SHOC2: variants seen among roughly 807,000 people sequenced by gnomAD.
SHOC2 encodes leucine-rich repeat protein SHOC-2.
In SHOC2, 4 loss-of-function variants were observed where a neutral mutation model predicts 50.2. The observed-to-expected ratio is 0.08, with a 90% CI of 0.04 to 0.18. The LOEUF (loss-of-function observed/expected upper bound fraction) is 0.18, where lower values mean the gene tolerates loss of function less well. Ranked by LOEUF, SHOC2 falls within the 10% of genes least tolerant of loss-of-function variation. The probability of loss-of-function intolerance (pLI) is 1.00; values close to 1 mark genes in which losing one functional copy is unlikely to be tolerated. For missense variants in SHOC2, 388 were observed against 669.6 expected (o/e 0.58, Z 4.64); for synonymous variants, 218 against 244.5 (o/e 0.89, Z 1.01).
At chr10:111,001,737 AG>A (rs1848380183) in intron 4 of SHOC2, among the ~76,000 whole-genome samples, 2 of 152,176 alleles carry the variant, frequency 1.3e-5, no homozygotes, top group African/African-American at 4.8e-5. Flanking sequence ...ATTAAGAACA[AG>A]GGTTCTTTAA....
intron 1 of SHOC2, among the ~76,000 whole-genome samples, chr10:110,924,666 GGGAAAAATTTT>G (rs1846720590): frequency 6.6e-6 from 1 of 152,074 alleles, no homozygotes; most frequent in South Asian, 2.1e-4. Flanking sequence ...CCTGTGAAAA[GGGAAAAATTTT>G]CACCTATTTT....
At chr10:110,924,275 A>T (rs189831713) in intron 1 of SHOC2, among the ~76,000 whole-genome samples, 27 of 152,338 alleles carry the variant, frequency 1.8e-4, no homozygotes, top group African/African-American at 6.0e-4. Context: ...ACAAGTCAAT[A>T]GTTAATTGTT....
At chr10:110,925,089 A>AG (rs1564699951) in intron 1 of SHOC2, among the ~76,000 whole-genome samples, 1 of 146,224 alleles carries the variant, frequency 6.8e-6, no homozygotes, top group Non-Finnish European at 1.5e-5. Flanking sequence ...AAAAAAAAAA[A>AG]AAATTAAAAT....
chr10:111,006,219 G>A (rs1419344495), intron 5 of SHOC2, among the ~76,000 whole-genome samples: 2 of 152,144 alleles, frequency 1.3e-5, no homozygotes, highest in Non-Finnish European at 1.5e-5. Flanking sequence ...GCATAGATAG[G>A]TACTAAGCTT....
intron 5 of SHOC2, among the ~76,000 whole-genome samples, chr10:111,005,983 T>C (rs1165025713): frequency 2.0e-5 from 3 of 152,236 alleles, no homozygotes; most frequent in African/African-American, 7.2e-5. Flanking sequence ...AAATTCAAGA[T>C]ACTCATACAG....
intron 1 of SHOC2, among the ~76,000 whole-genome samples, chr10:110,952,646 A>C (rs1564710118): frequency 6.6e-6 from 1 of 151,968 alleles, no homozygotes; most frequent in Non-Finnish European, 1.5e-5. Context: ...TGCTGCATCG[A>C]TCAACCTGTC....
chr10:110,933,531 G>C (rs1468609054), intron 1 of SHOC2, among the ~76,000 whole-genome samples: 1 of 152,178 alleles, frequency 6.6e-6, no homozygotes, highest in Admixed American at 6.5e-5. Flanking sequence ...CAGGAGACCA[G>C]GCAGGTAACA....
At position 110,956,390 on chromosome 10, in the gene SHOC2, T is replaced by C. The variant is rs570053653; in HGVS notation, c.-234-7735T>C. Among the ~76,000 whole-genome samples, 3 of 152,238 alleles carry C rather than the reference T, an allele frequency of 2.0e-5. No individual in the cohort carries two copies. In the East Asian group the frequency reaches 5.8e-4, roughly 29 times the overall value. ...AGCACACCTGGGTAATTTTTTTTGGTATTATTAGTAGAGACTGGGTTTCAC... is the reference window on the plus strand; with the variant it reads ...AGCACACCTGGGTAATTTTTTTTGGCATTATTAGTAGAGACTGGGTTTCAC... On this transcript the variant is annotated intron_variant, in intron 1 of 8. Transcript: ENST00000369452.
Position 110,985,650 on chromosome 10 carries a change from G to A in SHOC2, c.726G>A (p.Thr242=), listed in dbSNP as rs775815588. ...CAGGTGAATTATGTAACCTCATTAC[G>A]CTGGATGTAGCTCACAATCAACTTG... ...AEIGELCNLI[T]LDVAHNQLEH... is the part of the protein sequence containing the mutation. The change falls in exon 3 of 9, where the codon ACG becomes ACA. Residue 242 remains threonine, a synonymous_variant. Transcript: ENST00000369452. 7 of 1,610,990 alleles carry A rather than the reference G, an allele frequency of 4.3e-6. No individual in the cohort carries two copies. The highest frequency in any genetic ancestry group is 2.7e-5 in the African/African-American group (2 of 74,422).
At chr10:110,967,596 ACT>A (rs1433652744) in intron 2 of SHOC2, among the ~76,000 whole-genome samples, 3 of 152,200 alleles carry the variant, frequency 2.0e-5, no homozygotes, top group African/African-American at 4.8e-5. Flanking sequence ...TCCAAAAGAA[ACT>A]CTGAACCCTT....
chr10:110,939,190 A>G (rs564118080), intron 1 of SHOC2, among the ~76,000 whole-genome samples: 94 of 151,486 alleles, frequency 6.2e-4, no homozygotes, highest in African/African-American at 2.0e-3. Flanking sequence ...TTTTTTTGCT[A>G]TTTTTTTTAC....
At chr10:110,967,131 A>G (rs529434222) in intron 2 of SHOC2, among the ~76,000 whole-genome samples, 23 of 152,304 alleles carry the variant, frequency 1.5e-4, no homozygotes, top group African/African-American at 5.5e-4. Context: ...GTCCGTGTAT[A>G]CTTTAATTAT....
intron 5 of SHOC2, among the ~76,000 whole-genome samples, chr10:111,006,580 C>T (rs61679987): frequency 0.022 from 3,353 of 152,176 alleles, 122 homozygotes; most frequent in African/African-American, 0.075. Context: ...CCGTTTTAGC[C>T]GGGATGGTCT....
intron 3 of SHOC2, among the ~76,000 whole-genome samples, chr10:110,996,346 G>A (rs1200913290): frequency 6.6e-6 from 1 of 152,070 alleles, no homozygotes; most frequent in Non-Finnish European, 1.5e-5. Flanking sequence ...TGGGCAACAT[G>A]GCGAAACTCT....
chr10:110,980,573 C>T (rs1248982359), intron 2 of SHOC2, among the ~76,000 whole-genome samples: 1 of 152,144 alleles, frequency 6.6e-6, no homozygotes, highest in Non-Finnish European at 1.5e-5. Context: ...TTGTCTTTCT[C>T]AAGTCCATCC....
At chr10:111,007,377 T>C (rs1271335699) in intron 5 of SHOC2, among the ~76,000 whole-genome samples, 154 bp from the exon 6 acceptor site, 1 of 152,110 alleles carries the variant, frequency 6.6e-6, no homozygotes, top group Non-Finnish European at 1.5e-5. Flanking sequence ...AGGCTTAGAG[T>C]TTTCTGTTGC....
At chr10:110,975,922 T>C (rs901511111) in intron 2 of SHOC2, among the ~76,000 whole-genome samples, 2 of 152,150 alleles carry the variant, frequency 1.3e-5, no homozygotes, top group Non-Finnish European at 2.9e-5. Flanking sequence ...CTTCTTTTTT[T>C]TTTGTGAGAT....
At chr10:110,965,783 T>C (rs1254966598) in intron 2 of SHOC2, among the ~76,000 whole-genome samples, 1 of 152,096 alleles carries the variant, frequency 6.6e-6, no homozygotes, top group African/African-American at 2.4e-5. Context: ...CGCGTGAACA[T>C]GTCAGTAAAA....
rs1382025894 is a variant in SHOC2 at position 110,964,808 on chromosome 10, A to G, written c.450A>G (p.Thr150=). 18 of 1,614,090 alleles carry G rather than the reference A, an allele frequency of 1.1e-5. No homozygotes were observed. The highest frequency in any genetic ancestry group is 1.4e-5 in the Non-Finnish European group (16 of 1,179,972). Residue 150 remains threonine, a synonymous_variant, in exon 2 of 9, where the codon ACA becomes ACG. Coordinates refer to ENST00000369452, the MANE Select transcript of SHOC2 (RefSeq NM_007373.4). This position sits in a 1 kb window ranked among gnomAD's most constrained non-coding sequence, Gnocchi z 4.9. The stretch of plus-strand genomic sequence containing the variant: ...TGGGATGTTTAGTAAATCTCATGAC[A>G]CTGGCTCTAAGTGAAAATTCACTTA... ...AEVGCLVNLM[T]LALSENSLTS...
Sources: allele counts gnomAD v4.1 joint callset (sites outside exome capture counted in the v4.1 genomes callset), GRCh38; gene constraint gnomAD v4.1.1; non-coding constraint Gnocchi (gnomAD v3.1); transcripts MANE v1.5; gene names NCBI Gene and HGNC (gene_info 2026-07-23, HGNC 2026-07-21).